The following RHOT2 variants were observed in gnomAD, a reference collection of about 807,000 sequenced individuals.
RHOT2 encodes ras homolog family member T2.
In RHOT2, 90 loss-of-function variants were observed where a neutral mutation model predicts 81.6. That is an observed-to-expected ratio of 1.10 (90% CI 0.93 to 1.31). RHOT2 has a LOEUF of 1.31. Among genes scored for constraint, RHOT2 ranks in the 40% most tolerant of loss-of-function variants. The pLI is 0.00. For synonymous variants in RHOT2, 512 were observed against 370.9 expected, an observed-to-expected ratio of 1.38 and a Z score of -4.37; for missense variants, 1,014 against 841.9, an observed-to-expected ratio of 1.20 and a Z score of -2.53.
chr16:670,590 CCCCAGGGG>C (rs1017898745), intron 8 of RHOT2, 33 bp downstream of exon 8: 11 of 1,595,868 alleles, frequency 6.9e-6, no homozygotes, highest in African/African-American at 1.3e-5. Flanking sequence ...CACGCTGGTT[CCCCAGGGG>C]CCCAGGGGGT....
intron 4 of RHOT2, 89 bp from the exon 5 acceptor site, chr16:669,464 C>T (rs2038528955): frequency 7.2e-7 from 1 of 1,381,890 alleles, no homozygotes; most frequent in Non-Finnish European, 1.0e-6. Context: ...TCTGGGGCCT[C>T]CTGGAGCCTC....
At position 671,850 on chromosome 16, in the gene RHOT2, C is replaced by T; in HGVS notation, c.955-10C>T. ...CCGGCACACACATCACCACATCCCTCCTTCTGCAGGACCGCGACGGCGCCC... is the reference window on the plus strand; with the variant it reads ...CCGGCACACACATCACCACATCCCTTCTTCTGCAGGACCGCGACGGCGCCC... On this transcript the variant is annotated splice_polypyrimidine_tract_variant and intron_variant, in intron 12 of 18. Coordinates refer to ENST00000315082, the MANE Select transcript of RHOT2 (RefSeq NM_138769.3). The T allele has an allele frequency of 6.3e-6, 10 of 1,597,542 alleles. No homozygotes were observed. Among genetic ancestry groups the T allele is most frequent in the Non-Finnish European group, 8.5e-6 (10 of 1,174,494 alleles).
At chr16:668,926 C>A in intron 4 of RHOT2, 2 of 536,242 alleles carry the variant, frequency 3.7e-6, no homozygotes, top group Non-Finnish European at 6.5e-6. Flanking sequence ...CGCGGGCTCT[C>A]CCTCCCTCCT....
Position 670,354 on chromosome 16 carries a change from G to A in RHOT2, c.435G>A (p.Val145=). Residue 145 remains valine (V), a synonymous_variant, in exon 7 of 19, where the codon GTG becomes GTA. Transcript: ENST00000315082. ...AGTTTCCCGAGATTGAGACCTGCGT[G>A]GAGGTGAGTAGGTCCCAGGCAGGGC... ...MSQFPEIETC[V]ECSAKNLRNI... 6.2e-7 allele frequency: 1 copy of A among 1,612,710 alleles called. No individual in the cohort carries two copies. Among genetic ancestry groups the A allele is most frequent in the Non-Finnish European group, 8.5e-7 (1 of 1,179,814 alleles).
rs935150797 is a variant in RHOT2 at position 669,854 on chromosome 16, G to C, written c.276+248G>C. On this transcript the variant is annotated intron_variant, in intron 5 of 18. Coordinates refer to ENST00000315082, the MANE Select transcript of RHOT2 (RefSeq NM_138769.3). ...TTTCTTCCCCAGTTTCCAAACCCCC[G>C]GGGGGGGACCCGCAGAGGGCCTGCG... 7.5e-5 allele frequency: 45 copies of C among 598,610 alleles called. 1 individual carries two copies. The highest frequency in any genetic ancestry group is 6.2e-4 in the African/African-American group (33 of 53,364). The allele number at this position is 598,610 out of a possible 1,614,324, so 37.1% of individuals were successfully genotyped here. A position where few individuals can be genotyped will look rare whatever the true frequency, so the allele number is the denominator to read the frequency against.
Position 672,686 on chromosome 16 carries a change from G to T in RHOT2, c.1405-17G>T. The T allele has an allele frequency of 6.2e-7, 1 of 1,611,860 alleles. No homozygotes were observed. Among genetic ancestry groups the T allele is most frequent in the Non-Finnish European group, 8.5e-7 (1 of 1,179,940 alleles). On this transcript the variant is annotated splice_polypyrimidine_tract_variant and intron_variant, in intron 16 of 18. Coordinates refer to ENST00000315082, the MANE Select transcript of RHOT2 (RefSeq NM_138769.3). ...CCGAGCCCCAGGGACCCTTCCTAAG[G>T]CCGCTGTCTGTCCCAGCTCTGTGAG...
At chr16:668,736 G>C in intron 4 of RHOT2, 37 bp downstream of exon 4, 1 of 1,561,666 alleles carries the variant, frequency 6.4e-7, no homozygotes, top group Non-Finnish European at 8.7e-7. Flanking sequence ...GGGGCTGGGC[G>C]CGGGCTCGGC....
chr16:671,521 G>A (rs561803886), intron 11 of RHOT2, among the ~76,000 whole-genome samples, 176 bp from the exon 12 acceptor site: 2 of 152,282 alleles, frequency 1.3e-5, no homozygotes, highest in Non-Finnish European at 2.9e-5. Flanking sequence ...CCACGTGCTG[G>A]AGCCAGGTGG....
Position 670,361 on chromosome 16 carries a change from A to G in RHOT2, c.438+4A>G. 1 of 1,612,310 alleles carries G rather than the reference A, an allele frequency of 6.2e-7. No homozygotes were observed. The highest frequency in any genetic ancestry group is 8.5e-7 in the Non-Finnish European group (1 of 1,179,560). Reference sequence around the variant, plus strand: ...CGAGATTGAGACCTGCGTGGAGGTGAGTAGGTCCCAGGCAGGGCCGCCTCC... The same window carrying G: ...CGAGATTGAGACCTGCGTGGAGGTGGGTAGGTCCCAGGCAGGGCCGCCTCC... On this transcript the variant is annotated splice_donor_region_variant and intron_variant, in intron 7 of 18. Coordinates refer to ENST00000315082, the MANE Select transcript of RHOT2 (RefSeq NM_138769.3).
At position 670,641 on chromosome 16, in the gene RHOT2, G is replaced by C. The variant is rs767823810; in HGVS notation, c.541-34G>C. 1.9e-6 allele frequency: 3 copies of C among 1,607,888 alleles called. No homozygotes were observed. In the South Asian group the frequency reaches 3.3e-5, roughly 18 times the overall value. On this transcript the variant is annotated intron_variant, in intron 8 of 18. Transcript: ENST00000315082. ...GGGGCGGTGTGGCAGGTCGGCGTGG[G>C]TCACCTGAGGGTGCTGAGCCAACAT... is the stretch of plus-strand genomic sequence containing the variant.
At chr16:671,810 G>GCCCCCCCCC in intron 12 of RHOT2, 29 bp downstream of exon 12, 4 of 1,586,182 alleles carry the variant, frequency 2.5e-6, no homozygotes, top group Non-Finnish European at 3.4e-6. Flanking sequence ...CCCTGCCCCT[G>GCCCCCCCCC]CCCCCGCCCC....
At position 672,096 on chromosome 16, in the gene RHOT2, C is replaced by T. The variant is rs1430795694; in HGVS notation, c.1110C>T (p.Tyr370=). 1.9e-6 allele frequency: 3 copies of T among 1,611,776 alleles called. No individual in the cohort carries two copies. Among genetic ancestry groups the T allele is most frequent in the Non-Finnish European group, 1.7e-6 (2 of 1,179,476 alleles). ...CGCCCACCCCCAGCCTGGTGACCTA[C>T]CTGGACGTCCGGAGCTGCCTTGGAC... ...GYLCQWTLVT[Y]LDVRSCLGHL... Residue 370 remains tyrosine (Y), a synonymous_variant, in exon 14 of 19, where the codon TAC becomes TAT. Coordinates refer to ENST00000315082, the MANE Select transcript of RHOT2 (RefSeq NM_138769.3).
intron 4 of RHOT2, chr16:669,256 G>C: frequency 1.9e-6 from 1 of 525,964 alleles, no homozygotes. Flanking sequence ...CAAGGGTCTT[G>C]CTGACCACAG....
In RHOT2 at chr16:673,075, C is replaced by T. The variant is rs1234618169; in HGVS notation, c.1675C>T (p.Pro559Ser). 6.2e-7 allele frequency: 1 copy of T among 1,611,736 alleles called. No individual in the cohort carries two copies. The highest frequency in any genetic ancestry group is 8.5e-7 in the Non-Finnish European group (1 of 1,179,932). ...TCCCGTGCCGTTCTCCTGTGCTGGC[C>T]CAGCCGAGCCCAGCACCACCATCTT... ...PAPVPFSCAG[P>S]AEPSTTIFTQ... is the part of the protein sequence containing the mutation. The change falls in exon 18 of 19, where the codon CCA (proline) becomes TCA (serine). Residue 559 changes from proline to serine, a missense_variant. Transcript: ENST00000315082.
In RHOT2 at chr16:670,742, C is replaced by T. The variant is rs78765301; in HGVS notation, c.608C>T (p.Ala203Val). 4.7e-5 allele frequency: 75 copies of T among 1,612,336 alleles called. No individual in the cohort carries two copies. In the African/African-American group the frequency reaches 7.5e-4, roughly 16 times the overall value. Residue 203 changes from alanine to valine, a missense_variant, in exon 9 of 19, where the codon GCG becomes GTG. Ala to Val is a moderately conservative substitution (Grantham distance 64). Transcript: ENST00000315082. ...CTCTCAGATCAGGACCTGGACCAGG[C>T]GCTCAGTGACGAAGAGCTCAACGCT... ...FRLSDQDLDQALSDEELNAFQ... is the reference protein window; with the variant it reads ...FRLSDQDLDQVLSDEELNAFQ...
chr16:671,208 G>T lies in RHOT2; in HGVS notation c.869+5G>T. 6.5e-7 allele frequency: 1 copy of T among 1,542,828 alleles called. No homozygotes were observed. The highest frequency in any genetic ancestry group is 8.7e-7 in the Non-Finnish European group (1 of 1,142,928). ...TGCGGACTATCTCTCCCCTCTGTGA[G>T]TGATGCCGGGGCTTGAGGCCTGCCC... is the stretch of plus-strand genomic sequence containing the variant. On this transcript the variant is annotated splice_donor_5th_base_variant and intron_variant, in intron 11 of 18. Transcript: ENST00000315082.
chr16:669,548 C>T lies in RHOT2; in HGVS notation c.223-5C>T, dbSNP rs371851518. The T allele has an allele frequency of 5.0e-6, 8 of 1,611,698 alleles. No individual in the cohort carries two copies. The Admixed American group carries it at 5.0e-5, about 10-fold the overall frequency. On this transcript the variant is annotated splice_region_variant and splice_polypyrimidine_tract_variant and intron_variant, in intron 4 of 18. Transcript: ENST00000315082. ...GTCACCCACACCTCATCACTGTTCC[C>T]TCAGGCAAACGTGGTGTGTGTGGTG...
At chr16:671,341 C>T in intron 11 of RHOT2, 138 bp downstream of exon 11, 1 of 1,289,050 alleles carries the variant, frequency 7.8e-7, no homozygotes, top group South Asian at 1.6e-5. Flanking sequence ...GCTCAGCAGG[C>T]CATCTGGGGT....
At chr16:669,461 C>A in intron 4 of RHOT2, 92 bp from the exon 5 acceptor site, 1 of 1,298,720 alleles carries the variant, frequency 7.7e-7, no homozygotes. Context: ...GCTTCTGGGG[C>A]CTCCTGGAGC....
Sources: gnomAD v4.1 joint callset for allele counts (sites outside exome capture counted in the v4.1 genomes callset) on GRCh38, gnomAD v4.1.1 for gene constraint, MANE v1.5 for transcripts, NCBI Gene and HGNC (gene_info 2026-07-23, HGNC 2026-07-21) for gene names.